The following TESK2 variants were observed in gnomAD, a reference collection of about 807,000 sequenced individuals.
TESK2 encodes dual specificity testis-specific protein kinase 2.
A neutral mutation model predicts 57.1 loss-of-function variants in TESK2; 39 were observed. That is an observed-to-expected ratio of 0.68 (90% CI 0.53 to 0.89). The LOEUF is 0.89. Among genes scored for constraint, TESK2 ranks in the 40% least tolerant of loss-of-function variants. The probability of loss-of-function intolerance (pLI) is 0.00; values close to 1 mark genes in which losing one functional copy is unlikely to be tolerated. For missense variants in TESK2, 646 were observed against 732.1 expected, an observed-to-expected ratio of 0.88 and a Z score of 1.36; for synonymous variants, 249 against 267.9, an observed-to-expected ratio of 0.93 and a Z score of 0.69.
intron 3 of TESK2, among the ~76,000 whole-genome samples, chr1:45,401,450 C>T (rs1253990114): frequency 6.6e-6 from 1 of 151,812 alleles, no homozygotes; most frequent in East Asian, 1.9e-4. Context: ...AAAACACTGA[C>T]ACTGCTATTA....
intron 2 of TESK2, among the ~76,000 whole-genome samples, chr1:45,454,428 TTTTTATTA>T (rs1049226208): frequency 1.1e-4 from 17 of 151,892 alleles, no homozygotes; most frequent in South Asian, 2.1e-4. Context: ...ATTTTTTATT[TTTTTATTA>T]TTTTATTTTA....
chr1:45,361,108 G>A lies in TESK2; in HGVS notation c.394-5659C>T, dbSNP rs74227007. On this transcript the variant is annotated intron_variant, in intron 4 of 10. Transcript: ENST00000372086. ...GCTAGGATTACAGGCGTGAGCTACC[G>A]CACCCAGCCAGAAGATTGCTACACG... Among the ~76,000 whole-genome samples, 359 of 152,240 alleles carry A rather than the reference G, an allele frequency of 2.4e-3. 7 individuals are homozygous for A. In the East Asian group the frequency reaches 0.032, roughly 13 times the overall value.
At chr1:45,404,520 G>A (rs1340706858) in intron 3 of TESK2, among the ~76,000 whole-genome samples, 1 of 151,812 alleles carries the variant, frequency 6.6e-6, no homozygotes, top group East Asian at 1.9e-4. Context: ...AAAAATATGT[G>A]ATAAGTATAT....
intron 2 of TESK2, among the ~76,000 whole-genome samples, chr1:45,436,369 G>A (rs1161976892): frequency 6.7e-6 from 1 of 149,426 alleles, no homozygotes; most frequent in Non-Finnish European, 1.5e-5. Flanking sequence ...ATTTTTAGTA[G>A]AGATGGGGTT....
At chr1:45,452,292 T>C (rs1355726714) in intron 2 of TESK2, among the ~76,000 whole-genome samples, 3 of 152,134 alleles carry the variant, frequency 2.0e-5, no homozygotes, top group Middle Eastern at 3.2e-3. Context: ...TGCAAATACA[T>C]TGGACAGGCT....
At chr1:45,355,827 C>T (rs1283323180) in intron 4 of TESK2, among the ~76,000 whole-genome samples, 3 of 152,072 alleles carry the variant, frequency 2.0e-5, no homozygotes, top group Non-Finnish European at 4.4e-5. Flanking sequence ...ACGAAAGACA[C>T]AGAGGGAGCA....
At chr1:45,371,749 T>A (rs1465148793) in intron 4 of TESK2, among the ~76,000 whole-genome samples, 1 of 151,872 alleles carries the variant, frequency 6.6e-6, no homozygotes, top group African/African-American at 2.4e-5. Context: ...ACGCCTGTAG[T>A]CCCAGCTACT....
At chr1:45,488,103 G>A (rs1029910231) in intron 1 of TESK2, among the ~76,000 whole-genome samples, 8 of 151,910 alleles carry the variant, frequency 5.3e-5, no homozygotes, top group East Asian at 1.9e-4. Context: ...CTGTAGAGAC[G>A]AGGTCTCACA....
At chr1:45,462,406 G>A (rs1274025385) in intron 1 of TESK2, among the ~76,000 whole-genome samples, 1 of 152,026 alleles carries the variant, frequency 6.6e-6, no homozygotes, top group African/African-American at 2.4e-5. Context: ...CCGAGTAGCT[G>A]GGACTACAGG....
intron 2 of TESK2, among the ~76,000 whole-genome samples, chr1:45,450,318 C>A (rs1651819529): frequency 6.6e-6 from 1 of 152,150 alleles, no homozygotes. Context: ...TCGAGACCAG[C>A]CTGACCAATA....
intron 3 of TESK2, among the ~76,000 whole-genome samples, chr1:45,389,279 C>T (rs1220270756): frequency 6.6e-6 from 1 of 152,046 alleles, no homozygotes; most frequent in African/African-American, 2.4e-5. Context: ...TGGGTGTGGT[C>T]ACACACTTTT....
intron 2 of TESK2, among the ~76,000 whole-genome samples, chr1:45,431,472 C>T (rs1017292175): frequency 1.3e-5 from 2 of 151,906 alleles, no homozygotes; most frequent in Admixed American, 6.6e-5. Context: ...TCTGGGGATG[C>T]TATTGCTTTC....
intron 5 of TESK2, among the ~76,000 whole-genome samples, chr1:45,350,045 G>A (rs1318449777): frequency 6.6e-6 from 1 of 152,192 alleles, no homozygotes; most frequent in Admixed American, 6.5e-5. Context: ...AGGAGGCTGA[G>A]GCAGGAGAAT....
intron 2 of TESK2, among the ~76,000 whole-genome samples, chr1:45,436,261 T>C (rs2149292165): frequency 7.2e-6 from 1 of 138,700 alleles, no homozygotes; most frequent in South Asian, 2.4e-4. Context: ...CTCGGTTCAC[T>C]GCAACCTCCA....
chr1:45,377,066 A>G (rs1648458485), intron 4 of TESK2, among the ~76,000 whole-genome samples: 1 of 152,108 alleles, frequency 6.6e-6, no homozygotes, highest in Non-Finnish European at 1.5e-5. Context: ...CAAAAAATGT[A>G]AAAATTAGCT....
At chr1:45,423,980 T>C (rs550641451) in intron 2 of TESK2, among the ~76,000 whole-genome samples, 1 of 152,324 alleles carries the variant, frequency 6.6e-6, no homozygotes, top group East Asian at 1.9e-4. Flanking sequence ...GTTTCCTGCT[T>C]AGGAATTATG....
intron 1 of TESK2, among the ~76,000 whole-genome samples, chr1:45,484,607 A>C (rs1653379929): frequency 6.6e-6 from 1 of 151,658 alleles, no homozygotes; most frequent in Non-Finnish European, 1.5e-5. Flanking sequence ...GTGGTGGTGC[A>C]CGGCTACTCA....
At chr1:45,410,617 A>AT (rs1391186098) in intron 3 of TESK2, among the ~76,000 whole-genome samples, 7 of 151,596 alleles carry the variant, frequency 4.6e-5, no homozygotes, top group South Asian at 2.1e-4. Flanking sequence ...AAAAAAAAAA[A>AT]TTTTTTTTTA....
In TESK2 at chr1:45,366,427, T is replaced by TA. The variant is rs1239775146; in HGVS notation, c.394-10979dup. Reference sequence around the variant, plus strand: ...TGAACTCATGGAAAGCATTCCTTGATACTCCATCCCATTCTTAGTGCTAGG... The same window carrying TA: ...TGAACTCATGGAAAGCATTCCTTGATAACTCCATCCCATTCTTAGTGCTAGG... On this transcript the variant is annotated intron_variant, in intron 4 of 10. Coordinates refer to ENST00000372086, the MANE Select transcript of TESK2 (RefSeq NM_007170.3). Among the ~76,000 whole-genome samples the TA allele has an allele frequency of 3.9e-5, 6 of 152,140 alleles. No homozygotes were observed. The South Asian group carries it at 1.0e-3, about 26-fold the overall frequency.
Sources: allele counts gnomAD v4.1 joint callset (sites outside exome capture counted in the v4.1 genomes callset), GRCh38; gene constraint gnomAD v4.1.1; transcripts MANE v1.5; gene names NCBI Gene and HGNC (gene_info 2026-07-23, HGNC 2026-07-21).